The following LDB2 variants were observed in gnomAD, a reference collection of about 807,000 sequenced individuals.
LDB2 encodes the protein LIM domain-binding protein 2.
LDB2 carries 12 observed loss-of-function variants against 44.3 expected under a neutral mutation model. The observed-to-expected ratio is 0.27, with a 90% CI of 0.17 to 0.44. The LOEUF is 0.44. LDB2 is among the 20% of genes least tolerant of loss of function. The pLI is 1.00. For synonymous variants in LDB2, 164 were observed against 174.8 expected (o/e 0.94, Z 0.49); for missense variants, 344 against 473.5 (o/e 0.73, Z 2.54).
intron 1 of LDB2, among the ~76,000 whole-genome samples, chr4:16,861,341 C>A (rs1033507685): frequency 1.3e-5 from 2 of 152,120 alleles, no homozygotes; most frequent in African/African-American, 4.8e-5. Flanking sequence ...GGGGACTGTC[C>A]CATGAATTGT....
At chr4:16,846,392 T>C (rs752007144) in intron 1 of LDB2, among the ~76,000 whole-genome samples, 5 of 152,202 alleles carry the variant, frequency 3.3e-5, no homozygotes, top group Non-Finnish European at 7.3e-5. Flanking sequence ...GTACATTCTA[T>C]CTTGTCTACC....
At chr4:16,598,849 C>T (rs551344589) in intron 2 of LDB2, among the ~76,000 whole-genome samples, 19 of 149,352 alleles carry the variant, frequency 1.3e-4, no homozygotes, top group Admixed American at 2.7e-4. Flanking sequence ...CTCACTTATG[C>T]GAGGTGCGCG....
intron 1 of LDB2, among the ~76,000 whole-genome samples, chr4:16,806,091 T>C (rs936770558): frequency 3.3e-5 from 5 of 152,250 alleles, no homozygotes; most frequent in African/African-American, 1.2e-4. Flanking sequence ...AGCATCTTCA[T>C]GTGCTTGGAT....
chr4:16,673,841 C>G (rs1426554135), intron 2 of LDB2, among the ~76,000 whole-genome samples: 2 of 152,130 alleles, frequency 1.3e-5, no homozygotes, highest in African/African-American at 2.4e-5. Context: ...CATGGGCTAC[C>G]CTGCTCTGAG....
chr4:16,740,411 T>C (rs1762999860), intron 2 of LDB2, among the ~76,000 whole-genome samples: 1 of 152,240 alleles, frequency 6.6e-6, no homozygotes, highest in African/African-American at 2.4e-5. Flanking sequence ...TCTGTAACAG[T>C]TGCTTAGCTA....
Position 16,577,433 on chromosome 4 carries a change from G to A in LDB2, c.615+8489C>T, listed in dbSNP as rs115917257. ...AGTCCCACTTTTCTATGCCAACAGTGAACAAACTGAAAAGGAAACCAAGAA... is the reference window on the plus strand; with the variant it reads ...AGTCCCACTTTTCTATGCCAACAGTAAACAAACTGAAAAGGAAACCAAGAA... On this transcript the variant is annotated intron_variant, in intron 5 of 7. Transcript: ENST00000304523. Among the ~76,000 whole-genome samples, 713 of 152,028 alleles carry A rather than the reference G, an allele frequency of 4.7e-3. 6 individuals are homozygous for A. The highest frequency in any genetic ancestry group is 0.016 in the African/African-American group (674 of 41,492).
chr4:16,664,896 C>A (rs547668838), intron 2 of LDB2, among the ~76,000 whole-genome samples: 3 of 152,170 alleles, frequency 2.0e-5, no homozygotes, highest in African/African-American at 2.4e-5. Flanking sequence ...GGTAGATGAA[C>A]AGAAAACACA....
At chr4:16,859,977 G>C (rs1036168658) in intron 1 of LDB2, among the ~76,000 whole-genome samples, 4 of 152,178 alleles carry the variant, frequency 2.6e-5, no homozygotes, top group African/African-American at 9.7e-5. Context: ...GGACAGATGA[G>C]AAAACCTCTC....
At chr4:16,544,383 G>A (rs550569982) in intron 5 of LDB2, among the ~76,000 whole-genome samples, 8 of 152,290 alleles carry the variant, frequency 5.3e-5, no homozygotes, top group Non-Finnish European at 8.8e-5. Flanking sequence ...CGGTGACCAG[G>A]CCAAGTGGGC....
chr4:16,837,781 C>T (rs763849317), intron 1 of LDB2, among the ~76,000 whole-genome samples: 25 of 152,340 alleles, frequency 1.6e-4, no homozygotes, highest in Admixed American at 7.8e-4. Context: ...AATTTACTAA[C>T]GCACAGTACT....
At chr4:16,541,670 T>C (rs908641603) in intron 5 of LDB2, among the ~76,000 whole-genome samples, 17 of 152,114 alleles carry the variant, frequency 1.1e-4, no homozygotes, top group Non-Finnish European at 2.9e-5. Flanking sequence ...CACTTATCAC[T>C]TCACCCCTCA....
chr4:16,726,102 T>A (rs985979806), intron 2 of LDB2, among the ~76,000 whole-genome samples: 9 of 151,926 alleles, frequency 5.9e-5, no homozygotes, highest in Non-Finnish European at 1.0e-4. Flanking sequence ...AATACTTTTA[T>A]CTTAAACAGA....
intron 2 of LDB2, among the ~76,000 whole-genome samples, chr4:16,739,624 G>GTATATACATATA (rs1762651350): frequency 3.9e-5 from 2 of 51,002 alleles, no homozygotes; most frequent in South Asian, 5.2e-4. Context: ...ATATACATGT[G>GTATATACATATA]TGTGTATATA....
At chr4:16,793,274 C>T (rs1579718005) in intron 1 of LDB2, among the ~76,000 whole-genome samples, 1 of 152,084 alleles carries the variant, frequency 6.6e-6, no homozygotes, top group South Asian at 2.1e-4. Flanking sequence ...CAGCTCCTGA[C>T]CCCCAGGGAG....
intron 2 of LDB2, among the ~76,000 whole-genome samples, chr4:16,711,467 T>A (rs1271993877): frequency 6.6e-6 from 1 of 152,198 alleles, no homozygotes; most frequent in East Asian, 1.9e-4. Flanking sequence ...GATGATTGTG[T>A]TGGCAGGGAC....
intron 2 of LDB2, among the ~76,000 whole-genome samples, chr4:16,679,739 C>T (rs1478188083): frequency 6.6e-6 from 1 of 151,906 alleles, no homozygotes; most frequent in Admixed American, 6.6e-5. Context: ...AGAGAGTGTT[C>T]GTAAAGGAGG....
intron 2 of LDB2, among the ~76,000 whole-genome samples, chr4:16,649,679 CTG>C (rs1453879257): frequency 6.6e-6 from 1 of 152,196 alleles, no homozygotes. Context: ...ATGCCAATGA[CTG>C]TGCCTACTAT....
At chr4:16,880,739 C>T (rs1308212216) in intron 1 of LDB2, among the ~76,000 whole-genome samples, 8 of 151,878 alleles carry the variant, frequency 5.3e-5, no homozygotes, top group Non-Finnish European at 8.8e-5. Flanking sequence ...TCCGTCTCTA[C>T]TAAAAATACA....
At chr4:16,845,324 G>C (rs1310496377) in intron 1 of LDB2, among the ~76,000 whole-genome samples, 1 of 152,188 alleles carries the variant, frequency 6.6e-6, no homozygotes, top group Non-Finnish European at 1.5e-5. Flanking sequence ...TCTCCTCTCA[G>C]CTCTTTCTGT....
Sources: allele counts gnomAD v4.1 joint callset (sites outside exome capture counted in the v4.1 genomes callset), GRCh38; gene constraint gnomAD v4.1.1; transcripts MANE v1.5; gene names NCBI Gene and HGNC (gene_info 2026-07-23, HGNC 2026-07-21).